Variants in ANGPT1 observed in about 807,000 individuals in gnomAD.
ANGPT1 encodes angiopoietin 1.
ANGPT1 carries 17 observed loss-of-function variants against 62.2 expected under a neutral mutation model. The ratio of observed to expected loss-of-function variants is 0.27; its 90% CI spans 0.19 to 0.41. The LOEUF is 0.41. ANGPT1 is among the 10% of genes least tolerant of loss of function. ANGPT1 has a pLI of 1.00. For missense variants in ANGPT1, 478 were observed against 594.9 expected (o/e 0.80, Z 2.04); for synonymous variants, 199 against 198.9 (o/e 1.00, Z 0.00).
At chr8:107,490,292 C>T (rs1028675217) in intron 1 of ANGPT1, among the ~76,000 whole-genome samples, 1 of 152,204 alleles carries the variant, frequency 6.6e-6, no homozygotes, top group Non-Finnish European at 1.5e-5. Context: ...ATGAAACAGG[C>T]ACATAGCACA....
rs149930759 is a variant in ANGPT1, at chr8:107,370,407, A to AGAAAAGAAAGAAAGGAAG, written c.298-23311_298-23310insCTTCCTTTCTTTCTTTTC. Among the ~76,000 whole-genome samples, 74 of 71,972 alleles carry AGAAAAGAAAGAAAGGAAG rather than the reference A, an allele frequency of 1.0e-3. 23 individuals carry two copies. The highest frequency in any genetic ancestry group is 1.7e-3 in the Non-Finnish European group (56 of 32,964). 47.2% of individuals were successfully genotyped at this position (71,972 alleles called of 152,430 possible). On this transcript the variant is annotated intron_variant, in intron 1 of 8. Transcript: ENST00000517746. ...AAGAAAGAAAGAAAGAAAGAAAGAA[A>AGAAAAGAAAGAAAGGAAG]GAGTCAGGGTCAGTGGCTCAGGCCT...
chr8:107,467,557 G>T (rs1812235853), intron 1 of ANGPT1, among the ~76,000 whole-genome samples: 1 of 152,152 alleles, frequency 6.6e-6, no homozygotes, highest in Non-Finnish European at 1.5e-5. Flanking sequence ...GTATGATAAA[G>T]CTACTAAGAA....
chr8:107,411,262 A>T (rs1817262030), intron 1 of ANGPT1, among the ~76,000 whole-genome samples: 1 of 152,170 alleles, frequency 6.6e-6, no homozygotes, highest in Admixed American at 6.5e-5. Context: ...TCCCATGTTG[A>T]CTCCAAATTA....
intron 2 of ANGPT1, 65 bp downstream of exon 2, chr8:107,346,877 G>C: frequency 7.0e-7 from 1 of 1,429,122 alleles, no homozygotes. Flanking sequence ...TGTGTTTATG[G>C]AGAAAGCTAA....
chr8:107,266,969 C>T, intron 7 of ANGPT1, among the ~76,000 whole-genome samples: 1 of 152,036 alleles, frequency 6.6e-6, no homozygotes, highest in South Asian at 2.1e-4. Context: ...ACCCAAATCT[C>T]ATCACTGAGT....
intron 1 of ANGPT1, among the ~76,000 whole-genome samples, chr8:107,415,664 T>C (rs1363344567): frequency 6.6e-6 from 1 of 152,212 alleles, no homozygotes; most frequent in African/African-American, 2.4e-5. Context: ...AGTATATCAC[T>C]GATAAGGTAA....
intron 4 of ANGPT1, among the ~76,000 whole-genome samples, chr8:107,310,716 G>T (rs907281355): frequency 6.6e-6 from 1 of 152,158 alleles, no homozygotes; most frequent in African/African-American, 2.4e-5. Flanking sequence ...GAGGATAAGT[G>T]AGAGGTCCCA....
At chr8:107,418,353 C>G (rs1810808178) in intron 1 of ANGPT1, among the ~76,000 whole-genome samples, 1 of 152,234 alleles carries the variant, frequency 6.6e-6, no homozygotes. Context: ...TGGACACCAT[C>G]AACAAAATCT....
intron 3 of ANGPT1, among the ~76,000 whole-genome samples, chr8:107,324,118 T>C (rs1232321107): frequency 6.6e-6 from 1 of 150,902 alleles, no homozygotes; most frequent in Admixed American, 6.6e-5. Flanking sequence ...ACGAGTTCAA[T>C]TATGGCCTGC....
chr8:107,274,936 T>C (rs112314662), intron 7 of ANGPT1, among the ~76,000 whole-genome samples: 72 of 152,128 alleles, frequency 4.7e-4, no homozygotes, highest in African/African-American at 1.6e-3. Context: ...CAGTGTGATG[T>C]GTACTCTGAT....
intron 4 of ANGPT1, among the ~76,000 whole-genome samples, chr8:107,317,755 T>C (rs1201869766): frequency 2.0e-5 from 3 of 151,856 alleles, no homozygotes; most frequent in Non-Finnish European, 4.4e-5. Flanking sequence ...CTCAGCCTCC[T>C]GAGTAGCTGG....
At position 107,356,201 on chromosome 8, in the gene ANGPT1, T is replaced by TA. The variant is rs1816041586; in HGVS notation, c.298-9105dup. 1.3e-5 allele frequency among the ~76,000 whole-genome samples: 2 copies of TA among 152,222 alleles called. 1 individual carries two copies. The highest frequency in any genetic ancestry group is 4.8e-5 in the African/African-American group (2 of 41,464). ...TGGACCACATAAACCCATCTTGTCT[T>TA]ACTATGTCTTTCTACTTTGCTATTC... is the stretch of plus-strand genomic sequence containing the variant. On this transcript the variant is annotated intron_variant, in intron 1 of 8. Transcript: ENST00000517746.
chr8:107,294,019 C>T lies in ANGPT1; in HGVS notation c.955G>A (p.Val319Ile). Residue 319 changes from valine to isoleucine, a missense_variant, in exon 6 of 9, where the codon GTC becomes ATC. By Grantham distance (29) the Val-to-Ile change is conservative. Coordinates refer to ENST00000517746, the MANE Select transcript of ANGPT1 (RefSeq NM_001146.5). ...ATTACAGTCCAACCTCCCCCATTGACATCCATATTGCAAAACACCTGACAA... is the reference window on the plus strand; with the variant it reads ...ATTACAGTCCAACCTCCCCCATTGATATCCATATTGCAAAACACCTGACAA... ...EPKKVFCNMD[V>I]NGGGWTVIQH... 1.2e-6 allele frequency: 2 copies of T among 1,611,992 alleles called. No homozygotes were observed. Among genetic ancestry groups the T allele is most frequent in the South Asian group, 2.2e-5 (2 of 90,380 alleles).
Position 107,251,589 on chromosome 8 carries a change from A to G in ANGPT1, c.*266T>C. ...TAGTAGTTTGAAGCACAGCAAGCTC[A>G]GCAGTTTCTTCCCTTTTTAAAGCCC... is the stretch of plus-strand genomic sequence containing the variant. On this transcript the variant is annotated 3_prime_UTR_variant, in exon 9 of 9. Coordinates refer to ENST00000517746, the MANE Select transcript of ANGPT1 (RefSeq NM_001146.5). 1 of 374,952 alleles carries G rather than the reference A, an allele frequency of 2.7e-6. No homozygotes were observed. Among genetic ancestry groups the G allele is most frequent in the South Asian group, 5.2e-5 (1 of 19,390 alleles). 23.2% of individuals were successfully genotyped at this position (374,952 alleles called of 1,614,324 possible).
intron 1 of ANGPT1, among the ~76,000 whole-genome samples, chr8:107,460,030 C>T (rs997482401): frequency 3.3e-5 from 5 of 152,174 alleles, no homozygotes; most frequent in African/African-American, 1.2e-4. Context: ...AAAGCATCAT[C>T]ACCATTTCAC....
chr8:107,275,829 G>A (rs1813851164), intron 7 of ANGPT1, among the ~76,000 whole-genome samples: 1 of 152,124 alleles, frequency 6.6e-6, no homozygotes, highest in South Asian at 2.1e-4. Flanking sequence ...TTGCTAGCTG[G>A]TTCTGGCAAC....
chr8:107,423,542 C>T (rs1810950000), intron 1 of ANGPT1, among the ~76,000 whole-genome samples: 1 of 152,104 alleles, frequency 6.6e-6, no homozygotes, highest in Admixed American at 6.5e-5. Flanking sequence ...TTAACATTTC[C>T]CTTTGCCTAG....
At chr8:107,304,561 G>A (rs1482853030) in intron 4 of ANGPT1, among the ~76,000 whole-genome samples, 1 of 151,474 alleles carries the variant, frequency 6.6e-6, no homozygotes, top group Non-Finnish European at 1.5e-5. Context: ...CTAAAATCCT[G>A]GCCTAACTTA....
intron 1 of ANGPT1, among the ~76,000 whole-genome samples, chr8:107,416,487 A>G (rs1657205222): frequency 6.6e-6 from 1 of 152,112 alleles, no homozygotes; most frequent in African/African-American, 2.4e-5. Context: ...GCACATATAT[A>G]AGTTCTTGTT....
Sources: allele counts gnomAD v4.1 joint callset (sites outside exome capture counted in the v4.1 genomes callset), GRCh38; gene constraint gnomAD v4.1.1; transcripts MANE v1.5; gene names NCBI Gene and HGNC (gene_info 2026-07-23, HGNC 2026-07-21).